The following TUSC3 variants were observed in gnomAD, a reference collection of about 807,000 sequenced individuals.
The protein encoded by TUSC3 is tumor suppressor candidate 3.
A neutral mutation model predicts 44.8 loss-of-function variants in TUSC3; 45 were observed. That is an observed-to-expected ratio of 1.00 (90% CI 0.79 to 1.29). The LOEUF is 1.29. Among genes scored for constraint, TUSC3 ranks in the 50% most tolerant of loss-of-function variants. The pLI is 0.00. For missense variants in TUSC3, 519 were observed against 437.9 expected (o/e 1.19, Z -1.65); for synonymous variants, 212 against 152.9 (o/e 1.39, Z -2.85).
chr8:15,501,259 A>C (rs1000608020), intron 2 of TUSC3, among the ~76,000 whole-genome samples: 4 of 152,096 alleles, frequency 2.6e-5, no homozygotes, highest in African/African-American at 7.2e-5. Context: ...TTTACTTCAT[A>C]ATTTTATCTA....
chr8:15,426,193 T>C (rs1263908357), intron 1 of TUSC3, among the ~76,000 whole-genome samples: 1 of 152,236 alleles, frequency 6.6e-6, no homozygotes, highest in Non-Finnish European at 1.5e-5. Flanking sequence ...GTAACAGTCA[T>C]GTCCACAACC....
chr8:15,510,385 C>G (rs1368775039), intron 2 of TUSC3, among the ~76,000 whole-genome samples: 1 of 152,106 alleles, frequency 6.6e-6, no homozygotes, highest in South Asian at 2.1e-4. Flanking sequence ...GGTACAATTA[C>G]CAATATCAGA....
chr8:15,717,757 C>T (rs574675490), intron 6 of TUSC3, among the ~76,000 whole-genome samples: 3 of 152,148 alleles, frequency 2.0e-5, no homozygotes, highest in East Asian at 3.9e-4. Context: ...AACTTAATTG[C>T]CAATTTTATT....
At chr8:15,750,766 G>A (rs1345025046) in intron 9 of TUSC3, among the ~76,000 whole-genome samples, 1 of 152,018 alleles carries the variant, frequency 6.6e-6, no homozygotes, top group Admixed American at 6.6e-5. Flanking sequence ...TATGTAACCA[G>A]CCCCACACTC....
intron 1 of TUSC3, among the ~76,000 whole-genome samples, chr8:15,456,950 G>A (rs1800264220): frequency 6.6e-6 from 1 of 152,138 alleles, no homozygotes; most frequent in Non-Finnish European, 1.5e-5. Flanking sequence ...GCACCTTTAT[G>A]AAAATAAAGA....
intron 1 of TUSC3, among the ~76,000 whole-genome samples, chr8:15,463,836 G>T (rs561516756): frequency 6.6e-6 from 1 of 152,256 alleles, no homozygotes; most frequent in African/African-American, 2.4e-5. Flanking sequence ...GAGTACCCCA[G>T]AATATGCTGT....
the TUSC3 span, among the ~76,000 whole-genome samples, chr8:15,810,825 A>C: frequency 6.6e-6 from 1 of 152,142 alleles, no homozygotes; most frequent in Non-Finnish European, 1.5e-5. Context: ...CAAATACAGG[A>C]AAGAAGAGCT....
At position 15,589,256 on chromosome 8, in the gene TUSC3, T is replaced by G. The variant is rs567069485; in HGVS notation, c.139-33824T>G. 5.3e-5 allele frequency among the ~76,000 whole-genome samples: 8 copies of G among 152,310 alleles called. 1 individual carries two copies. The East Asian group carries it at 1.5e-3, about 29-fold the overall frequency. ...AGCATACGTCCAGATCTTGTGTTTT[T>G]AATCCATTTATCCAGTCTGTAACTT... On this transcript the variant is annotated intron_variant, in intron 1 of 10. Coordinates refer to ENST00000503731, the MANE Select transcript of TUSC3 (RefSeq NM_006765.4).
chr8:15,624,392 A>G (rs185945370), intron 2 of TUSC3, among the ~76,000 whole-genome samples: 2 of 152,220 alleles, frequency 1.3e-5, no homozygotes, highest in Non-Finnish European at 2.9e-5. Context: ...GAAACAGCCA[A>G]AATGTTTTCT....
intron 1 of TUSC3, among the ~76,000 whole-genome samples, chr8:15,459,096 C>A (rs1316737758): frequency 1.3e-5 from 2 of 152,142 alleles, no homozygotes; most frequent in African/African-American, 4.8e-5. Flanking sequence ...ATACTCCTAG[C>A]CTTATGACCC....
intron 7 of TUSC3, among the ~76,000 whole-genome samples, chr8:15,742,214 A>G (rs936103897): frequency 3.9e-4 from 3 of 7,668 alleles, no homozygotes; most frequent in Non-Finnish European, 6.7e-4. Flanking sequence ...GTGCTAGTCT[A>G]TGGTATGTGT....
At chr8:15,807,217 G>A in the TUSC3 span, 71 of 691,956 alleles carry the variant, frequency 1.0e-4, no homozygotes, top group African/African-American at 5.3e-4. Flanking sequence ...AGCTCGTATC[G>A]CAACTAATTA....
intron 5 of TUSC3, among the ~76,000 whole-genome samples, chr8:15,672,291 T>G (rs182464606): frequency 6.6e-6 from 1 of 152,138 alleles, no homozygotes; most frequent in Admixed American, 6.6e-5. Context: ...TTAACCTACT[T>G]AAAACCCCTG....
intron 2 of TUSC3, among the ~76,000 whole-genome samples, chr8:15,627,778 C>A (rs1328312698): frequency 6.6e-6 from 1 of 152,262 alleles, no homozygotes; most frequent in African/African-American, 2.4e-5. Context: ...AGCCAGCATG[C>A]CTGGCTGTGT....
chr8:15,636,091 C>G (rs1806061316), intron 2 of TUSC3, among the ~76,000 whole-genome samples: 1 of 152,146 alleles, frequency 6.6e-6, no homozygotes, highest in East Asian at 1.9e-4. Flanking sequence ...TTGGTCAGGA[C>G]TATGAGGACT....
At chr8:15,794,751 T>C in the TUSC3 span, among the ~76,000 whole-genome samples, 104,346 of 151,696 alleles carry the variant, frequency 0.69, 35,988 homozygotes, top group African/African-American at 0.73. Flanking sequence ...TTATAATTGA[T>C]AGTAAGCACA....
chr8:15,550,259 A>G (rs752035720), intron 1 of TUSC3, among the ~76,000 whole-genome samples: 5 of 151,700 alleles, frequency 3.3e-5, no homozygotes, highest in Non-Finnish European at 7.4e-5. Context: ...GGAGGCAGAA[A>G]TTTGGCATAA....
the TUSC3 span, among the ~76,000 whole-genome samples, chr8:15,790,779 T>A: frequency 6.6e-6 from 1 of 152,046 alleles, no homozygotes; most frequent in Admixed American, 6.6e-5. Flanking sequence ...CAAGGTGTAT[T>A]TGAGGATATG....
intron 1 of TUSC3, among the ~76,000 whole-genome samples, chr8:15,622,025 A>T (rs1805269538): frequency 6.6e-6 from 1 of 151,852 alleles, no homozygotes; most frequent in South Asian, 2.1e-4. Flanking sequence ...TCTCTTCTTG[A>T]TGTATATGCA....
Sources: gnomAD v4.1 joint callset for allele counts (sites outside exome capture counted in the v4.1 genomes callset) on GRCh38, gnomAD v4.1.1 for gene constraint, MANE v1.5 for transcripts, NCBI Gene and HGNC (gene_info 2026-07-23, HGNC 2026-07-21) for gene names.